Variants in CLPX observed in about 807,000 individuals in gnomAD.
CLPX encodes ATP-dependent clpX-like chaperone, mitochondrial.
In CLPX, 34 loss-of-function variants were observed where a neutral mutation model predicts 76.4. The ratio of observed to expected loss-of-function variants is 0.45; its 90% confidence interval spans 0.34 to 0.59. The LOEUF is 0.59. Ranked by LOEUF, CLPX falls within the 20% of genes least tolerant of loss-of-function variation. CLPX has a pLI of 0.01. For synonymous variants in CLPX, 248 were observed against 270.9 expected (o/e 0.92, Z 0.83); for missense variants, 613 against 757.0 (o/e 0.81, Z 2.23).
intron 3 of CLPX, among the ~76,000 whole-genome samples, chr15:65,176,193 A>C (rs536171223): frequency 2.6e-4 from 39 of 152,244 alleles, no homozygotes; most frequent in African/African-American, 8.7e-4. Flanking sequence ...AAATTCTAGG[A>C]CTCCATCCCA....
At chr15:65,151,270 AG>A (rs1413424988) in intron 13 of CLPX, among the ~76,000 whole-genome samples, 1 of 149,054 alleles carries the variant, frequency 6.7e-6, no homozygotes, top group Non-Finnish European at 1.5e-5. Context: ...GCTTGAACCC[AG>A]GAAGTGGAGG....
intron 3 of CLPX, among the ~76,000 whole-genome samples, chr15:65,171,991 TTTTTG>T (rs1236139898): frequency 1.3e-5 from 2 of 152,164 alleles, no homozygotes; most frequent in African/African-American, 2.4e-5. Flanking sequence ...GCAATGCACT[TTTTTG>T]TTTTGTTTTG....
intron 3 of CLPX, among the ~76,000 whole-genome samples, chr15:65,167,747 G>A (rs1032512971): frequency 6.6e-6 from 1 of 151,558 alleles, no homozygotes; most frequent in Non-Finnish European, 1.5e-5. Flanking sequence ...AATTAGCTGG[G>A]CGTGGTGGCA....
rs1019496832 is a variant in CLPX, at chr15:65,154,934, G to A, written c.1459C>T (p.Leu487=). 1.9e-6 allele frequency: 3 copies of A among 1,613,984 alleles called. No homozygotes were observed. The highest frequency in any genetic ancestry group is 1.3e-5 in the African/African-American group (1 of 74,886). ...RLLRHVEARD[L]IEFGMIPEFV... ...TCAGGAATCATGCCAAACTCAATCA[G>A]ATCTCTGGCTTCCACATGACGCAAT... The change falls in exon 11 of 14, where the codon CTG becomes TTG. Residue 487 remains leucine, a synonymous_variant. Coordinates refer to ENST00000300107, the MANE Select transcript of CLPX (RefSeq NM_006660.5).
chr15:65,154,240 A>G (rs1026574903), intron 11 of CLPX, among the ~76,000 whole-genome samples: 1 of 152,248 alleles, frequency 6.6e-6, no homozygotes, highest in Non-Finnish European at 1.5e-5. Flanking sequence ...AGACCAATTA[A>G]GAACTAAATG....
chr15:65,167,458 A>C (rs2087931498), intron 3 of CLPX, among the ~76,000 whole-genome samples: 1 of 152,202 alleles, frequency 6.6e-6, no homozygotes, highest in Non-Finnish European at 1.5e-5. Context: ...AAAAAGTAAA[A>C]TACAAGATTC....
At position 65,169,014 on chromosome 15, in the gene CLPX, C is replaced by T. The variant is rs553737278; in HGVS notation, c.359-2229G>A. Among the ~76,000 whole-genome samples, 10 of 150,882 alleles carry T rather than the reference C, an allele frequency of 6.6e-5. No individual in the cohort carries two copies. The East Asian group carries it at 1.8e-3, about 26-fold the overall frequency. Reference sequence around the variant, plus strand: ...CCAGGACTACAGGCACACGCCACCACGCCTGCCTACTTTTTTTTTTTTTTT... The same window carrying T: ...CCAGGACTACAGGCACACGCCACCATGCCTGCCTACTTTTTTTTTTTTTTT... On this transcript the variant is annotated intron_variant, in intron 3 of 13. Transcript: ENST00000300107.
chr15:65,180,295 A>T (rs1309815879), intron 1 of CLPX, 91 bp from the exon 2 acceptor site: 2 of 978,266 alleles, frequency 2.0e-6, no homozygotes, highest in Non-Finnish European at 3.0e-6. Flanking sequence ...GGAGGTTGAA[A>T]AAAAGCTATC....
intron 6 of CLPX, among the ~76,000 whole-genome samples, chr15:65,160,623 T>TCTCTCTCTCACACACACACA (rs1219208926): frequency 3.0e-5 from 3 of 101,028 alleles, no homozygotes; most frequent in Admixed American, 1.0e-4. Flanking sequence ...TCTCTCTCTC[T>TCTCTCTCTCACACACACACA]CACACACACA....
At chr15:65,158,875 G>C in intron 6 of CLPX, 124 bp from the exon 7 acceptor site, 2 of 753,390 alleles carry the variant, frequency 2.7e-6, no homozygotes, top group Non-Finnish European at 4.1e-6. Flanking sequence ...TTGACATTCT[G>C]TCTTACCTAC....
intron 1 of CLPX, among the ~76,000 whole-genome samples, chr15:65,181,963 A>G (rs1002944506): frequency 3.3e-5 from 5 of 151,500 alleles, no homozygotes; most frequent in Non-Finnish European, 7.4e-5. Flanking sequence ...CTCTACTAAA[A>G]ATACAAAAAA....
intron 1 of CLPX, among the ~76,000 whole-genome samples, chr15:65,182,690 C>G (rs924183569): frequency 1.3e-5 from 2 of 152,080 alleles, no homozygotes; most frequent in African/African-American, 4.8e-5. Flanking sequence ...ATTCAAGGAC[C>G]CTTTGGAGGC....
intron 8 of CLPX, 88 bp from the exon 9 acceptor site, chr15:65,157,020 CA>C (rs764235882): frequency 1.3e-6 from 1 of 768,858 alleles, no homozygotes; most frequent in African/African-American, 1.8e-5. Flanking sequence ...AGCTAGAGAA[CA>C]AAGTTATTTG....
At chr15:65,173,224 G>T (rs891918568) in intron 3 of CLPX, among the ~76,000 whole-genome samples, 1 of 152,018 alleles carries the variant, frequency 6.6e-6, no homozygotes, top group Non-Finnish European at 1.5e-5. Flanking sequence ...ACAAAAATCA[G>T]CTGGGTGTGG....
Position 65,155,806 on chromosome 15 carries a change from A to G in CLPX, c.1197T>C (p.Asn399=). The change falls in exon 10 of 14, where the codon AAT becomes AAC. Residue 399 remains asparagine (N), a synonymous_variant. Coordinates refer to ENST00000300107, the MANE Select transcript of CLPX (RefSeq NM_006660.5). The part of the protein sequence containing the change: ...EGTIVNVPEK[N]SRKLRGETVQ... ...CTGTTTCTCCACGGAGCTTTCGGGA[A>G]TTCTTTTCTGGAACATTGACTATTG... 6.2e-7 allele frequency: 1 copy of G among 1,614,028 alleles called. No individual in the cohort carries two copies. Among genetic ancestry groups the G allele is most frequent in the Middle Eastern group, 1.6e-4 (1 of 6,062 alleles).
chr15:65,152,261 A>C (rs1298031452), intron 13 of CLPX, among the ~76,000 whole-genome samples, 169 bp downstream of exon 13: 1 of 152,132 alleles, frequency 6.6e-6, no homozygotes, highest in Non-Finnish European at 1.5e-5. Context: ...ACAAAATACT[A>C]TTATTTTATA....
intron 3 of CLPX, among the ~76,000 whole-genome samples, chr15:65,174,646 A>G (rs1396848172): frequency 6.6e-6 from 1 of 152,202 alleles, no homozygotes; most frequent in East Asian, 1.9e-4. Context: ...TTTTAAAAGG[A>G]AAGGATTAGG....
At chr15:65,170,340 ATTT>A (rs544427836) in intron 3 of CLPX, among the ~76,000 whole-genome samples, 1 of 151,866 alleles carries the variant, frequency 6.6e-6, no homozygotes, top group East Asian at 1.9e-4. Context: ...AATTCATGGA[ATTT>A]TTTTTCCTTT....
chr15:65,161,046 A>G (rs2087850710), intron 6 of CLPX, among the ~76,000 whole-genome samples: 2 of 152,248 alleles, frequency 1.3e-5, no homozygotes, highest in Non-Finnish European at 2.9e-5. Flanking sequence ...TTTCTGTCTC[A>G]TGGGTTTAGG....
Sources: gnomAD v4.1 joint callset for allele counts (sites outside exome capture counted in the v4.1 genomes callset) on GRCh38, gnomAD v4.1.1 for gene constraint, MANE v1.5 for transcripts, NCBI Gene and HGNC (gene_info 2026-07-23, HGNC 2026-07-21) for gene names.